Variants in ARHGAP6 observed in about 807,000 individuals in gnomAD.
ARHGAP6 encodes Rho GTPase activating protein 6, also known as rho GTPase-activating protein 6.
ARHGAP6 carries 16 observed loss-of-function variants against 55.7 expected under a neutral mutation model. The observed-to-expected ratio is 0.29, with a 90% CI of 0.19 to 0.44. The LOEUF is 0.44. Among genes scored for constraint, ARHGAP6 ranks in the 20% least tolerant of loss-of-function variants. ARHGAP6 has a pLI of 1.00. For synonymous variants in ARHGAP6, 382 were observed against 360.9 expected (o/e 1.06, Z -0.66); for missense variants, 698 against 808.9 (o/e 0.86, Z 1.66).
At chrX:11,597,603 G>A (rs749876623) in intron 1 of ARHGAP6, among the ~76,000 whole-genome samples, 1 of 112,225 alleles carries the variant, frequency 8.9e-6, no homozygotes, top group African/African-American at 3.2e-5. Context: ...GAATTACAGA[G>A]TTTATCACTG....
chrX:11,222,652 C>T (rs1036123035), intron 2 of ARHGAP6, among the ~76,000 whole-genome samples: 8 of 111,188 alleles, frequency 7.2e-5, no homozygotes, highest in Non-Finnish European at 1.5e-4. Flanking sequence ...ATTTTTATAC[C>T]CATGGACATT....
chrX:11,472,996 C>T (rs2050363345), intron 1 of ARHGAP6, among the ~76,000 whole-genome samples: 2 of 111,005 alleles, frequency 1.8e-5, no homozygotes, highest in Admixed American at 1.9e-4. Context: ...CACCCCTGAC[C>T]GCTGCCCTAG....
chrX:11,157,656 T>G (rs1456368691), intron 9 of ARHGAP6, among the ~76,000 whole-genome samples: 1 of 112,399 alleles, frequency 8.9e-6, no homozygotes, highest in African/African-American at 3.2e-5. Flanking sequence ...CTCTCACACA[T>G]GAGCTCAGAG....
intron 1 of ARHGAP6, among the ~76,000 whole-genome samples, chrX:11,584,391 G>GA (rs768727052): frequency 3.6e-5 from 4 of 111,881 alleles, no homozygotes; most frequent in Non-Finnish European, 5.6e-5. Context: ...GTCTATGGGG[G>GA]AGAGATGCTG....
intron 1 of ARHGAP6, among the ~76,000 whole-genome samples, chrX:11,521,544 T>A (rs1157282472): frequency 1.8e-5 from 2 of 112,195 alleles, no homozygotes; most frequent in Non-Finnish European, 3.8e-5. Flanking sequence ...AGTACCATGC[T>A]GTTTTGGTTA....
intron 1 of ARHGAP6, among the ~76,000 whole-genome samples, chrX:11,413,278 C>G (rs1320083422): frequency 8.9e-6 from 1 of 112,281 alleles, no homozygotes; most frequent in East Asian, 2.8e-4. Context: ...TAGAAGACAC[C>G]AAGGTGACAT....
chrX:11,521,610 C>T (rs916419677), intron 1 of ARHGAP6, among the ~76,000 whole-genome samples: 38 of 111,275 alleles, frequency 3.4e-4, no homozygotes, highest in Non-Finnish European at 4.3e-4. Flanking sequence ...CAGCTTTGTT[C>T]TTTTGGCTTA....
At chrX:11,638,056 G>T (rs1049201764) in intron 1 of ARHGAP6, among the ~76,000 whole-genome samples, 3 of 111,532 alleles carry the variant, frequency 2.7e-5, no homozygotes, top group African/African-American at 9.8e-5. Flanking sequence ...TAGGCAGATA[G>T]AGATAGCTAA....
At chrX:11,631,777 A>T (rs2147176309) in intron 1 of ARHGAP6, among the ~76,000 whole-genome samples, 1 of 112,433 alleles carries the variant, frequency 8.9e-6, no homozygotes, top group African/African-American at 3.2e-5. Flanking sequence ...GCCACAGACA[A>T]TATGTAAATA....
At chrX:11,398,645 C>A (rs1199583356) in intron 1 of ARHGAP6, among the ~76,000 whole-genome samples, 1 of 111,557 alleles carries the variant, frequency 9.0e-6, no homozygotes, top group Non-Finnish European at 1.9e-5. Context: ...TATTGTTAAG[C>A]ACAATATGTT....
chrX:11,542,979 C>T (rs1490326959), intron 1 of ARHGAP6, among the ~76,000 whole-genome samples: 4 of 111,471 alleles, frequency 3.6e-5, no homozygotes, highest in East Asian at 2.8e-4. Context: ...GAGTCGACAC[C>T]CAGACACTTT....
intron 2 of ARHGAP6, among the ~76,000 whole-genome samples, chrX:11,232,472 A>AC (rs1569266623): frequency 8.0e-4 from 83 of 104,397 alleles, no homozygotes; most frequent in Admixed American, 1.5e-3. Context: ...AATACACACA[A>AC]AAAAAAAAAA....
At chrX:11,245,662 T>C (rs1386618405) in intron 2 of ARHGAP6, among the ~76,000 whole-genome samples, 1 of 112,159 alleles carries the variant, frequency 8.9e-6, no homozygotes, top group Non-Finnish European at 1.9e-5. Context: ...TGAAAACATA[T>C]TTTGAAAATG....
chrX:11,610,524 G>A (rs927926689), intron 1 of ARHGAP6, among the ~76,000 whole-genome samples: 7 of 111,807 alleles, frequency 6.3e-5, no homozygotes, highest in African/African-American at 2.3e-4. Context: ...TCATATGGAG[G>A]AAGTGCCCAT....
intron 1 of ARHGAP6, among the ~76,000 whole-genome samples, chrX:11,595,286 T>C (rs1271346506): frequency 1.1e-5 from 1 of 92,000 alleles, no homozygotes; most frequent in East Asian, 3.2e-4. Flanking sequence ...TGAGACTCTG[T>C]CTCAAGAGAA....
intron 1 of ARHGAP6, among the ~76,000 whole-genome samples, chrX:11,415,899 A>G (rs1318212954): frequency 9.0e-6 from 1 of 111,527 alleles, no homozygotes; most frequent in Non-Finnish European, 1.9e-5. Flanking sequence ...TAACCGACCC[A>G]CAGATCCACT....
chrX:11,314,957 T>C (rs1393765978), intron 1 of ARHGAP6, among the ~76,000 whole-genome samples: 2 of 112,244 alleles, frequency 1.8e-5, no homozygotes, highest in Admixed American at 1.9e-4. Context: ...AGAGAAAACA[T>C]AAAAATATTG....
intron 2 of ARHGAP6, among the ~76,000 whole-genome samples, chrX:11,230,047 ATC>A (rs1291117644): frequency 1.8e-5 from 2 of 111,891 alleles, no homozygotes; most frequent in Non-Finnish European, 3.8e-5. Flanking sequence ...CTTATTTGAG[ATC>A]TCTTTCAGTA....
intron 1 of ARHGAP6, among the ~76,000 whole-genome samples, chrX:11,309,310 C>A (rs2048270665): frequency 9.0e-6 from 1 of 111,370 alleles, no homozygotes; most frequent in South Asian, 3.9e-4. Flanking sequence ...CCCATACTCC[C>A]CACGCAGAGC....
Sources: gnomAD v4.1 joint callset for allele counts (sites outside exome capture counted in the v4.1 genomes callset) on GRCh38, gnomAD v4.1.1 for gene constraint, MANE v1.5 for transcripts, NCBI Gene and HGNC (gene_info 2026-07-23, HGNC 2026-07-21) for gene names.